The following MAL2 variants were observed in gnomAD, a reference collection of about 807,000 sequenced individuals.
MAL2 encodes protein MAL2.
A neutral mutation model predicts 18.1 loss-of-function variants in MAL2; 17 were observed. The ratio of observed to expected loss-of-function variants is 0.94; its 90% confidence interval spans 0.64 to 1.41. The LOEUF is 1.41. Among genes scored for constraint, MAL2 ranks in the 40% most tolerant of loss-of-function variants. MAL2 has a pLI of 0.00. For missense variants in MAL2, 222 were observed against 231.9 expected (o/e 0.96, Z 0.28); for synonymous variants, 102 against 102.3 (o/e 1.00, Z 0.02).
intron 2 of MAL2, among the ~76,000 whole-genome samples, chr8:119,230,889 T>A (rs920080319): frequency 3.3e-5 from 5 of 152,332 alleles, no homozygotes; most frequent in Non-Finnish European, 7.3e-5. Flanking sequence ...TATGTAACAC[T>A]TTTCTTAAAT....
chr8:119,219,396 A>G (rs1251203515), intron 1 of MAL2, among the ~76,000 whole-genome samples: 2 of 152,272 alleles, frequency 1.3e-5, no homozygotes, highest in East Asian at 3.9e-4. Context: ...GGATATCTAG[A>G]TACTGAAATG....
At position 119,208,704 on chromosome 8, in the gene MAL2, C is replaced by T. The variant is rs1817224919; in HGVS notation, c.132+100C>T. 1.2e-5 allele frequency: 15 copies of T among 1,211,472 alleles called. No homozygotes were observed. The highest frequency in any genetic ancestry group is 1.1e-5 in the Non-Finnish European group (11 of 974,008). The allele number at this position is 1,211,472 out of a possible 1,614,324, so 75.0% of individuals were successfully genotyped here. A position where few individuals can be genotyped will look rare whatever the true frequency, so the allele number is the denominator to read the frequency against. ...CTTCCTCTGCGTCCGCCCCCGGCCTCCTTCCCTTCGACGTGGCTTTGTCCT... is the reference window on the plus strand; with the variant it reads ...CTTCCTCTGCGTCCGCCCCCGGCCTTCTTCCCTTCGACGTGGCTTTGTCCT... On this transcript the variant is annotated intron_variant, in intron 1 of 3. Transcript: ENST00000614891. The surrounding 1 kb of genome is among the most constrained non-coding windows in gnomAD (Gnocchi z 4.3).
chr8:119,208,810 C>T lies in MAL2; in HGVS notation c.132+206C>T. ...CTAGCACCTGTTACGCGGGCACCTG[C>T]TCCCCCGCGGGCGACGGAAATTGCC... On this transcript the variant is annotated intron_variant, in intron 1 of 3. Coordinates refer to ENST00000614891, the MANE Select transcript of MAL2 (RefSeq NM_052886.3). This position sits in a 1 kb window ranked among gnomAD's most constrained non-coding sequence, Gnocchi z 4.3. The T allele has an allele frequency of 2.6e-6, 2 of 773,564 alleles. No homozygotes were observed. The highest frequency in any genetic ancestry group is 7.4e-5 in the East Asian group (2 of 27,172). 47.9% of individuals were successfully genotyped at this position (773,564 alleles called of 1,614,324 possible).
intron 2 of MAL2, among the ~76,000 whole-genome samples, chr8:119,234,921 C>T (rs545740435): frequency 9.2e-5 from 14 of 152,230 alleles, no homozygotes; most frequent in South Asian, 4.1e-4. Flanking sequence ...TCCAAAGGAA[C>T]GCAGTTCCTC....
rs771470129 is a variant in MAL2 at position 119,208,580 on chromosome 8, G to A, written c.108G>A (p.Ser36=). The A allele has an allele frequency of 1.4e-6, 2 of 1,385,618 alleles. No homozygotes were observed. The highest frequency in any genetic ancestry group is 1.9e-6 in the Non-Finnish European group (2 of 1,065,450). 85.8% of individuals were successfully genotyped at this position (1,385,618 alleles called of 1,614,324 possible). The change falls in exon 1 of 4, where the codon TCG becomes TCA. Residue 36 remains serine, a synonymous_variant. Coordinates refer to ENST00000614891, the MANE Select transcript of MAL2 (RefSeq NM_052886.3). This position sits in a 1 kb window ranked among gnomAD's most constrained non-coding sequence, Gnocchi z 4.3. ...GCCCCGACATCCTGCGGACCTACTC[G>A]GGCGCCTTCGTCTGCCTGGAGATTG... is the stretch of plus-strand genomic sequence containing the variant. ...PAGPDILRTY[S]GAFVCLEILF...
At chr8:119,240,968 G>T (rs1298987822) in intron 3 of MAL2, among the ~76,000 whole-genome samples, 1 of 152,078 alleles carries the variant, frequency 6.6e-6, no homozygotes, top group Non-Finnish European at 1.5e-5. Flanking sequence ...TATTATTTTT[G>T]TTGTTAGAGA....
At chr8:119,225,478 T>C (rs933822541) in intron 2 of MAL2, among the ~76,000 whole-genome samples, 3 of 152,230 alleles carry the variant, frequency 2.0e-5, no homozygotes, top group African/African-American at 4.8e-5. Flanking sequence ...TGCATAGTAT[T>C]CCATGGTGTA....
At chr8:119,211,756 A>G (rs1211093653) in intron 1 of MAL2, among the ~76,000 whole-genome samples, 1 of 147,892 alleles carries the variant, frequency 6.8e-6, no homozygotes, top group Non-Finnish European at 1.5e-5. Flanking sequence ...TGGATACCTA[A>G]TTGTCAGCTC....
At chr8:119,214,454 T>C (rs1817315756) in intron 1 of MAL2, among the ~76,000 whole-genome samples, 1 of 151,932 alleles carries the variant, frequency 6.6e-6, no homozygotes, top group South Asian at 2.1e-4. Flanking sequence ...AGGAGGAAGG[T>C]AAAAAGAAAG....
At chr8:119,237,320 C>G (rs1817929187) in intron 2 of MAL2, among the ~76,000 whole-genome samples, 1 of 151,304 alleles carries the variant, frequency 6.6e-6, no homozygotes, top group Admixed American at 6.6e-5. Flanking sequence ...AAAAAGAGTC[C>G]AGGACCAGAT....
rs537967812 is a variant in MAL2, at chr8:119,225,690, G to A, written c.303+3933G>A. Among the ~76,000 whole-genome samples the A allele has an allele frequency of 9.1e-4, 138 of 152,228 alleles. No individual in the cohort carries two copies. In the Middle Eastern group the frequency reaches 0.017, roughly 19 times the overall value. ...CCTAGTTCTAGATCCCTGAGGAATC[G>A]CCACACTGACTTCCACAATGGTTGA... On this transcript the variant is annotated intron_variant, in intron 2 of 3. Transcript: ENST00000614891.
chr8:119,218,209 G>A (rs1297823898), intron 1 of MAL2, among the ~76,000 whole-genome samples: 8 of 151,972 alleles, frequency 5.3e-5, no homozygotes, highest in Admixed American at 5.2e-4. Flanking sequence ...TTACTTGAGT[G>A]AGAGAGAGGG....
At position 119,222,793 on chromosome 8, in the gene MAL2, A is replaced by C. The variant is rs905764012; in HGVS notation, c.303+1036A>C. ...CAGTGAGCCATGATCACACCAGTGCACTCCAGCCAAGGAGACAGAGCAAGA... is the reference window on the plus strand; with the variant it reads ...CAGTGAGCCATGATCACACCAGTGCCCTCCAGCCAAGGAGACAGAGCAAGA... On this transcript the variant is annotated intron_variant, in intron 2 of 3. Transcript: ENST00000614891. Among the ~76,000 whole-genome samples, 6 of 150,172 alleles carry C rather than the reference A, an allele frequency of 4.0e-5. No homozygotes were observed. In the Admixed American group the frequency reaches 4.0e-4, roughly 10 times the overall value.
chr8:119,222,804 G>A (rs1460246055), intron 2 of MAL2, among the ~76,000 whole-genome samples: 1 of 149,052 alleles, frequency 6.7e-6, no homozygotes, highest in African/African-American at 2.5e-5. Flanking sequence ...CTCCAGCCAA[G>A]GAGACAGAGC....
intron 2 of MAL2, chr8:119,224,059 A>G (rs1817529387): frequency 6.6e-6 from 1 of 152,186 alleles, no homozygotes; most frequent in African/African-American, 2.4e-5. Context: ...GCATTTTGAT[A>G]AAGAACTTAT....
chr8:119,210,928 T>C (rs560956390), intron 1 of MAL2, among the ~76,000 whole-genome samples: 1 of 152,212 alleles, frequency 6.6e-6, no homozygotes, highest in South Asian at 2.1e-4. Context: ...ATGAAACTGG[T>C]GACGTTAGAG....
chr8:119,218,104 A>G (rs538368154), intron 1 of MAL2, among the ~76,000 whole-genome samples: 6 of 152,074 alleles, frequency 3.9e-5, no homozygotes, highest in Non-Finnish European at 7.4e-5. Context: ...TGGCCCTCCA[A>G]AGTGGGCTCA....
rs1015557229 is a variant in MAL2 at position 119,243,786 on chromosome 8, A to T, written c.*298A>T. 1.3e-5 allele frequency: 3 copies of T among 233,884 alleles called. No individual in the cohort carries two copies. Among genetic ancestry groups the T allele is most frequent in the African/African-American group, 6.8e-5 (3 of 44,358 alleles). 14.5% of individuals were successfully genotyped at this position (233,884 alleles called of 1,614,324 possible). On this transcript the variant is annotated 3_prime_UTR_variant, in exon 4 of 4. Coordinates refer to ENST00000614891, the MANE Select transcript of MAL2 (RefSeq NM_052886.3). The stretch of plus-strand genomic sequence containing the variant: ...TCCATAAAATACAAATATATTGTTC[A>T]TAAAAAATTAGTATCCCTTTTGTTT...
chr8:119,223,751 TTTTCCCTA>T (rs2129820423), intron 2 of MAL2: 1 of 152,344 alleles, frequency 6.6e-6, no homozygotes, highest in Non-Finnish European at 1.5e-5. Context: ...TTATGAAATG[TTTTCCCTA>T]TTTCGAAAGG....
Sources: allele counts gnomAD v4.1 joint callset (sites outside exome capture counted in the v4.1 genomes callset), GRCh38; gene constraint gnomAD v4.1.1; non-coding constraint Gnocchi (gnomAD v3.1); transcripts MANE v1.5; gene names NCBI Gene and HGNC (gene_info 2026-07-23, HGNC 2026-07-21).